The following SH3KBP1 variants were observed in gnomAD, a reference collection of about 807,000 sequenced individuals.
SH3KBP1 encodes SH3 domain containing kinase binding protein 1.
A neutral mutation model predicts 50.1 loss-of-function variants in SH3KBP1; 8 were observed. The ratio of observed to expected loss-of-function variants is 0.16; its 90% CI spans 0.09 to 0.29. SH3KBP1 has a LOEUF of 0.29. Ranked by LOEUF, SH3KBP1 falls within the 10% of genes least tolerant of loss-of-function variation. SH3KBP1 has a pLI of 1.00. For synonymous variants in SH3KBP1, 227 were observed against 218.6 expected (o/e 1.04, Z -0.34); for missense variants, 377 against 535.2 (o/e 0.70, Z 2.92).
chrX:19,649,812 T>C (rs749586118), intron 6 of SH3KBP1, among the ~76,000 whole-genome samples: 18 of 112,111 alleles, frequency 1.6e-4, no homozygotes, highest in Non-Finnish European at 2.4e-4. Context: ...AAGAAACTAA[T>C]GCTTACGGGA....
intron 14 of SH3KBP1, 131 bp from the exon 15 acceptor site, chrX:19,546,181 G>A: frequency 1.4e-6 from 1 of 731,607 alleles, no homozygotes; most frequent in South Asian, 2.8e-5. Flanking sequence ...ACCCTGTGAG[G>A]CAAAAAAGTG....
intron 13 of SH3KBP1, 128 bp from the exon 14 acceptor site, chrX:19,550,211 C>G: frequency 2.1e-6 from 1 of 478,920 alleles, no homozygotes; most frequent in East Asian, 3.7e-5. Flanking sequence ...TTTACAAAGG[C>G]TGTTTACGTC....
chrX:19,728,127 T>C (rs963671247), intron 3 of SH3KBP1, among the ~76,000 whole-genome samples: 1 of 112,066 alleles, frequency 8.9e-6, no homozygotes, highest in Admixed American at 9.5e-5. Flanking sequence ...GCAGTTCAGG[T>C]TGAATATCCC....
intron 2 of SH3KBP1, among the ~76,000 whole-genome samples, chrX:19,763,123 T>C (rs1411767902): frequency 1.8e-5 from 2 of 111,564 alleles, no homozygotes; most frequent in Non-Finnish European, 3.8e-5. Context: ...CAACACTACA[T>C]TGAGCATCAC....
chrX:19,854,730 C>A (rs1467182952), intron 1 of SH3KBP1, among the ~76,000 whole-genome samples: 1 of 110,893 alleles, frequency 9.0e-6, no homozygotes, highest in Non-Finnish European at 1.9e-5. Context: ...CATCTCCCCA[C>A]ACGATCTTCC....
chrX:19,806,680 C>T (rs1198248295), intron 2 of SH3KBP1, among the ~76,000 whole-genome samples: 1 of 111,601 alleles, frequency 9.0e-6, no homozygotes. Context: ...TGTAGTAAGA[C>T]ACAGCAGAAA....
At chrX:19,559,487 CA>C (rs1415847388) in intron 13 of SH3KBP1, among the ~76,000 whole-genome samples, 2 of 105,239 alleles carry the variant, frequency 1.9e-5, no homozygotes, top group Admixed American at 2.1e-4. Context: ...CCACCACACC[CA>C]CCTAAAAGTT....
At chrX:19,715,388 A>G (rs2063886068) in intron 3 of SH3KBP1, among the ~76,000 whole-genome samples, 1 of 111,699 alleles carries the variant, frequency 9.0e-6, no homozygotes, top group South Asian at 3.7e-4. Flanking sequence ...CAAAATGCTA[A>G]TAATTGGTAA....
chrX:19,790,625 T>A (rs1049508296), intron 2 of SH3KBP1, among the ~76,000 whole-genome samples: 2 of 111,273 alleles, frequency 1.8e-5, no homozygotes, highest in Admixed American at 1.9e-4. Context: ...CCAGCTATAT[T>A]TTTTTTAAGG....
chrX:19,743,795 A>G (rs1279543775), intron 3 of SH3KBP1, among the ~76,000 whole-genome samples: 2 of 112,774 alleles, frequency 1.8e-5, no homozygotes, highest in Admixed American at 1.9e-4. Flanking sequence ...GACCCAATGA[A>G]GTGGTTCAGT....
chrX:19,758,682 A>G (rs2065290744), intron 2 of SH3KBP1, among the ~76,000 whole-genome samples: 2 of 111,663 alleles, frequency 1.8e-5, no homozygotes, highest in Admixed American at 1.9e-4. Context: ...ATCACGTGCT[A>G]GATAAAAAGC....
At chrX:19,807,733 G>C (rs1396966240) in intron 2 of SH3KBP1, among the ~76,000 whole-genome samples, 1 of 112,196 alleles carries the variant, frequency 8.9e-6, no homozygotes, top group East Asian at 2.8e-4. Flanking sequence ...TCACAGAAAG[G>C]GCACTCAGTG....
intron 1 of SH3KBP1, among the ~76,000 whole-genome samples, chrX:19,855,340 T>C (rs2068618596): frequency 8.9e-6 from 1 of 111,946 alleles, no homozygotes; most frequent in Non-Finnish European, 1.9e-5. Context: ...GTGGGACCAA[T>C]GTTCCACTCT....
intron 2 of SH3KBP1, among the ~76,000 whole-genome samples, chrX:19,763,288 G>C (rs2065488376): frequency 8.9e-6 from 1 of 112,349 alleles, no homozygotes; most frequent in African/African-American, 3.2e-5. Flanking sequence ...CCCACCAATA[G>C]CATGGAAGAG....
At chrX:19,791,395 G>A (rs1330642175) in intron 2 of SH3KBP1, among the ~76,000 whole-genome samples, 1 of 111,296 alleles carries the variant, frequency 9.0e-6, no homozygotes, top group Non-Finnish European at 1.9e-5. Context: ...CAATTAAACA[G>A]AATAAGGTGC....
intron 7 of SH3KBP1, among the ~76,000 whole-genome samples, chrX:19,636,405 C>T (rs759291655): frequency 2.7e-4 from 29 of 109,371 alleles, no homozygotes; most frequent in African/African-American, 8.6e-4. Context: ...TATACAATAT[C>T]AGAAGGTTTG....
intron 2 of SH3KBP1, among the ~76,000 whole-genome samples, chrX:19,766,456 A>G (rs1420870005): frequency 1.4e-5 from 1 of 69,357 alleles, no homozygotes; most frequent in Non-Finnish European, 2.7e-5. Context: ...CATTGTTCAG[A>G]TTGCACTTTG....
chrX:19,740,679 C>T (rs183334332), intron 3 of SH3KBP1: 41 of 217,213 alleles, frequency 1.9e-4, no homozygotes, highest in Non-Finnish European at 3.8e-4. Context: ...TACAAACAAA[C>T]CCCCAGATCT....
In SH3KBP1 at chrX:19,646,488, G is replaced by A. The variant is rs16981253; in HGVS notation, c.727-1013C>T. Among the ~76,000 whole-genome samples the A allele has an allele frequency of 5.6e-3, 622 of 111,973 alleles. 7 individuals carry two copies. The highest frequency in any genetic ancestry group is 0.02 in the African/African-American group (606 of 30,836). On this transcript the variant is annotated intron_variant, in intron 6 of 17. Coordinates refer to ENST00000397821, the MANE Select transcript of SH3KBP1 (RefSeq NM_031892.3). The stretch of plus-strand genomic sequence containing the variant: ...TTGATACCAGGGCAACAGCTGTCAC[G>A]ACCACGTAGCTGGGGAAATCAACCT...
Sources: allele counts gnomAD v4.1 joint callset (sites outside exome capture counted in the v4.1 genomes callset), GRCh38; gene constraint gnomAD v4.1.1; transcripts MANE v1.5; gene names NCBI Gene and HGNC (gene_info 2026-07-23, HGNC 2026-07-21).